The following ECHDC1 variants were observed in gnomAD, a reference collection of about 807,000 sequenced individuals.
The protein encoded by ECHDC1 is ethylmalonyl-CoA decarboxylase 1, also known as ethylmalonyl-CoA decarboxylase.
ECHDC1 carries 29 observed loss-of-function variants against 29.7 expected under a neutral mutation model. The observed-to-expected ratio is 0.98, with a 90% CI of 0.73 to 1.33. ECHDC1 has a LOEUF of 1.33. Among genes scored for constraint, ECHDC1 ranks in the 40% most tolerant of loss-of-function variants. The pLI, the probability that ECHDC1 is intolerant of heterozygous loss-of-function variation, is 0.00. For missense variants in ECHDC1, 328 were observed against 350.0 expected (o/e 0.94, Z 0.50); for synonymous variants, 126 against 123.1 (o/e 1.02, Z -0.15).
intron 1 of ECHDC1, 171 bp downstream of exon 1, chr6:127,343,165 G>A (rs1342318457): frequency 1.3e-5 from 2 of 152,202 alleles, no homozygotes. Flanking sequence ...TCCAGCGCGG[G>A]GCAGGCCTGC....
chr6:127,309,174 T>C (rs905556180), intron 5 of ECHDC1, among the ~76,000 whole-genome samples: 7 of 152,172 alleles, frequency 4.6e-5, no homozygotes, highest in Admixed American at 2.6e-4. Flanking sequence ...AGAACAGCCC[T>C]GGAGGAATCA....
At chr6:127,340,677 C>T (rs1260803455) in intron 1 of ECHDC1, among the ~76,000 whole-genome samples, 1 of 152,026 alleles carries the variant, frequency 6.6e-6, no homozygotes, top group Non-Finnish European at 1.5e-5. Context: ...CCAATTTCCA[C>T]CTTGATAACT....
intron 5 of ECHDC1, among the ~76,000 whole-genome samples, chr6:127,306,016 A>G (rs1428029110): frequency 2.7e-5 from 4 of 145,640 alleles, no homozygotes; most frequent in African/African-American, 7.5e-5. Flanking sequence ...TGATAGATTA[A>G]AAAAAAAAAA....
intron 1 of ECHDC1, among the ~76,000 whole-genome samples, chr6:127,334,945 CT>C (rs1784304059): frequency 6.6e-6 from 1 of 151,518 alleles, no homozygotes; most frequent in African/African-American, 2.4e-5. Flanking sequence ...GAGGTACATA[CT>C]TTGTGTCACT....
chr6:127,302,008 C>T (rs1381394109), intron 5 of ECHDC1, among the ~76,000 whole-genome samples: 1 of 152,128 alleles, frequency 6.6e-6, no homozygotes, highest in Non-Finnish European at 1.5e-5. Context: ...TCAACAAAAG[C>T]ACCTGGTATA....
intron 1 of ECHDC1, among the ~76,000 whole-genome samples, chr6:127,338,737 A>T (rs1784652478): frequency 6.6e-6 from 1 of 152,196 alleles, no homozygotes. Context: ...GCTATATATT[A>T]CTTCTATAAC....
chr6:127,333,114 A>G (rs1248295862), intron 1 of ECHDC1, among the ~76,000 whole-genome samples: 1 of 152,216 alleles, frequency 6.6e-6, no homozygotes, highest in Non-Finnish European at 1.5e-5. Context: ...CTTTCTGTCC[A>G]GCACCTATGA....
At chr6:127,295,772 T>G (rs1366102267) in intron 5 of ECHDC1, among the ~76,000 whole-genome samples, 1 of 152,204 alleles carries the variant, frequency 6.6e-6, no homozygotes, top group Non-Finnish European at 1.5e-5. Context: ...CATGATTTTT[T>G]CAGGAAATAA....
chr6:127,331,067 A>C (rs1368930967), intron 1 of ECHDC1, 37 bp from the exon 2 acceptor site: 2 of 1,503,190 alleles, frequency 1.3e-6, no homozygotes, highest in South Asian at 2.3e-5. Context: ...AGTATAGATG[A>C]ATAGGCACTC....
chr6:127,319,002 G>A (rs1177415051), intron 3 of ECHDC1, among the ~76,000 whole-genome samples: 3 of 152,162 alleles, frequency 2.0e-5, no homozygotes, highest in Admixed American at 6.5e-5. Context: ...CCTATATCAA[G>A]TAATTTTAAT....
intron 5 of ECHDC1, among the ~76,000 whole-genome samples, chr6:127,299,338 GATGTGGAGGGGTAGGACAATGATAT>G (rs1302267818): frequency 2.0e-5 from 3 of 151,830 alleles, no homozygotes; most frequent in Admixed American, 6.6e-5. Context: ...AGTGGGGTAA[GATGTGGAGGGGTAGGACAATGATAT>G]ATGTGGAGGG....
At chr6:127,316,946 CACAA>C (rs1782434524) in intron 3 of ECHDC1, among the ~76,000 whole-genome samples, 1 of 152,054 alleles carries the variant, frequency 6.6e-6, no homozygotes, top group Non-Finnish European at 1.5e-5. Context: ...TTATAATTTT[CACAA>C]ACAAATTTCC....
At chr6:127,318,737 C>T (rs1361734593) in intron 3 of ECHDC1, among the ~76,000 whole-genome samples, 1 of 152,138 alleles carries the variant, frequency 6.6e-6, no homozygotes, top group Non-Finnish European at 1.5e-5. Context: ...ATGTTTTGCA[C>T]ATAGTGTTTG....
chr6:127,293,185 A>C (rs141498239), intron 5 of ECHDC1, among the ~76,000 whole-genome samples: 1 of 152,286 alleles, frequency 6.6e-6, no homozygotes, highest in Admixed American at 6.5e-5. Flanking sequence ...TTAACTCTTA[A>C]GTTTCAGGTC....
intron 5 of ECHDC1, among the ~76,000 whole-genome samples, chr6:127,304,165 C>T (rs929206193): frequency 2.0e-5 from 3 of 152,198 alleles, no homozygotes; most frequent in Non-Finnish European, 2.9e-5. Context: ...ACTTAGTTCA[C>T]TTCACCCTCA....
chr6:127,334,757 TA>T (rs930761774), intron 1 of ECHDC1, among the ~76,000 whole-genome samples: 2 of 152,144 alleles, frequency 1.3e-5, no homozygotes, highest in Non-Finnish European at 2.9e-5. Flanking sequence ...CAATCATTTT[TA>T]AAAACTGAAT....
intron 5 of ECHDC1, among the ~76,000 whole-genome samples, chr6:127,309,480 AACACACACACAC>A (rs58621326): frequency 0.019 from 2,572 of 138,282 alleles, 56 homozygotes; most frequent in East Asian, 0.039. Flanking sequence ...CAAACAACAA[AACACACACACAC>A]ACACACACAC....
At chr6:127,292,557 G>T (rs1780284795) in intron 5 of ECHDC1, among the ~76,000 whole-genome samples, 1 of 151,682 alleles carries the variant, frequency 6.6e-6, no homozygotes, top group South Asian at 2.1e-4. Flanking sequence ...AAAATTCATT[G>T]GTGATAAAAG....
intron 5 of ECHDC1, among the ~76,000 whole-genome samples, chr6:127,306,676 C>A (rs1012872107): frequency 6.6e-6 from 1 of 152,104 alleles, no homozygotes; most frequent in Non-Finnish European, 1.5e-5. Context: ...GGACTATGAG[C>A]CAATTAAACC....
Sources: allele counts gnomAD v4.1 joint callset (sites outside exome capture counted in the v4.1 genomes callset), GRCh38; gene constraint gnomAD v4.1.1; transcripts MANE v1.5; gene names NCBI Gene and HGNC (gene_info 2026-07-23, HGNC 2026-07-21).